Variants in TSNARE1 observed in about 807,000 individuals in gnomAD.
TSNARE1 encodes t-SNARE domain containing 1.
A neutral mutation model predicts 62.0 loss-of-function variants in TSNARE1; 49 were observed. That is an observed-to-expected ratio of 0.79 (90% CI 0.63 to 1.00). TSNARE1 has a LOEUF of 1.00. Among genes scored for constraint, TSNARE1 ranks in the 50% least tolerant of loss-of-function variants. The pLI is 0.00. For missense variants in TSNARE1, 755 were observed against 700.1 expected (o/e 1.08, Z -0.88); for synonymous variants, 328 against 294.4 (o/e 1.11, Z -1.17).
chr8:142,396,656 G>A (rs1041441997), intron 1 of TSNARE1, among the ~76,000 whole-genome samples: 6 of 152,234 alleles, frequency 3.9e-5, no homozygotes, highest in Non-Finnish European at 7.3e-5. Flanking sequence ...GCAGCAGAAC[G>A]GTGAGCAATG....
At chr8:142,234,574 A>G (rs1239773442) in intron 12 of TSNARE1, among the ~76,000 whole-genome samples, 1 of 152,226 alleles carries the variant, frequency 6.6e-6, no homozygotes, top group Non-Finnish European at 1.5e-5. Flanking sequence ...GGAAGGCTCC[A>G]TTAGTTCTCT....
At chr8:142,332,948 G>C (rs1831261849) in intron 4 of TSNARE1, among the ~76,000 whole-genome samples, 1 of 152,198 alleles carries the variant, frequency 6.6e-6, no homozygotes, top group South Asian at 2.1e-4. Flanking sequence ...ACCGGGGAAG[G>C]GACAGCCACA....
chr8:142,337,143 A>G (rs77975293), intron 4 of TSNARE1, among the ~76,000 whole-genome samples: 3 of 152,230 alleles, frequency 2.0e-5, no homozygotes, highest in Admixed American at 6.5e-5. Flanking sequence ...CATCAAATCA[A>G]TAGAGAAAAC....
At position 142,349,420 on chromosome 8, in the gene TSNARE1, C is replaced by A. The variant is rs762190378; in HGVS notation, c.89-3528G>T. Among the ~76,000 whole-genome samples the A allele has an allele frequency of 8.8e-4, 133 of 151,914 alleles. 4 individuals carry two copies. The highest frequency in any genetic ancestry group is 2.5e-4 in the Non-Finnish European group (17 of 67,988). On this transcript the variant is annotated intron_variant, in intron 2 of 13. Transcript: ENST00000524325. ...GCTTTTATTAGAAATGAATATTTAC[C>A]ATATTCATGGTGAATGTGGTAAATA...
intron 13 of TSNARE1, among the ~76,000 whole-genome samples, chr8:142,221,231 G>A (rs2129910583): frequency 6.6e-6 from 1 of 152,322 alleles, no homozygotes; most frequent in African/African-American, 2.4e-5. Flanking sequence ...CCTACTAAGT[G>A]CTTGGCAGAC....
intron 12 of TSNARE1, among the ~76,000 whole-genome samples, chr8:142,265,788 T>C (rs1586899969): frequency 6.6e-6 from 1 of 152,196 alleles, no homozygotes; most frequent in Admixed American, 6.5e-5. Flanking sequence ...GGCATCGCGG[T>C]GTGGGCTTAA....
At chr8:142,388,550 CTTTTTTTTT>C (rs71313221) in intron 1 of TSNARE1, among the ~76,000 whole-genome samples, 2 of 67,412 alleles carry the variant, frequency 3.0e-5, no homozygotes, top group African/African-American at 1.4e-4. Flanking sequence ...AAAACAAAAT[CTTTTTTTTT>C]TTTTTTTTTT....
chr8:142,350,971 C>T (rs562018641), intron 2 of TSNARE1, among the ~76,000 whole-genome samples: 1 of 152,362 alleles, frequency 6.6e-6, no homozygotes, highest in South Asian at 2.1e-4. Context: ...TCGGCCACTT[C>T]AACTGCAGGT....
At chr8:142,289,964 G>A (rs969575779) in intron 10 of TSNARE1, among the ~76,000 whole-genome samples, 1 of 152,186 alleles carries the variant, frequency 6.6e-6, no homozygotes, top group African/African-American at 2.4e-5. Context: ...GACAGAAGAG[G>A]GCCTCTCAGG....
Position 142,274,734 on chromosome 8 carries a change from G to A in TSNARE1, c.1446+47C>T, listed in dbSNP as rs74917577. On this transcript the variant is annotated intron_variant, in intron 12 of 13. Transcript: ENST00000524325. Reference sequence around the variant, plus strand: ...ACGGAGGGAGGGTTGGAGGATAGGGGACGGAGGCCGGGCCGGCCGGGCACT... The same window carrying A: ...ACGGAGGGAGGGTTGGAGGATAGGGAACGGAGGCCGGGCCGGCCGGGCACT... The A allele has an allele frequency of 1.3e-3, 1,953 of 1,449,098 alleles. 19 individuals are homozygous for A. In the African/African-American group the frequency reaches 0.025, roughly 18 times the overall value. The allele number at this position is 1,449,098 out of a possible 1,614,324, so 89.8% of individuals were successfully genotyped here. A position where few individuals can be genotyped will look rare whatever the true frequency, so the allele number is the denominator to read the frequency against.
intron 13 of TSNARE1, among the ~76,000 whole-genome samples, chr8:142,215,513 C>T (rs1455348565): frequency 6.6e-6 from 1 of 152,136 alleles, no homozygotes; most frequent in Non-Finnish European, 1.5e-5. Context: ...CCTTGTCCAC[C>T]ACCACCCCTC....
chr8:142,219,725 G>A (rs566601195), intron 13 of TSNARE1, among the ~76,000 whole-genome samples: 11 of 152,300 alleles, frequency 7.2e-5, no homozygotes, highest in African/African-American at 1.2e-4. Context: ...CTGGATGCCC[G>A]GGATGACCCT....
chr8:142,405,038 A>AG (rs1273253534), upstream of TSNARE1: 1 of 152,148 alleles, frequency 6.6e-6, no homozygotes, highest in Non-Finnish European at 1.5e-5. Context: ...CCACCAGAGG[A>AG]GGGGCTCCGT....
chr8:142,226,665 T>C (rs376176818), intron 13 of TSNARE1, among the ~76,000 whole-genome samples: 42 of 150,994 alleles, frequency 2.8e-4, no homozygotes, highest in African/African-American at 1.0e-3. Context: ...AGGAATGGGG[T>C]CACTGCCCCA....
intron 12 of TSNARE1, among the ~76,000 whole-genome samples, chr8:142,244,423 T>C (rs1817793318): frequency 8.0e-6 from 1 of 125,176 alleles, no homozygotes; most frequent in Admixed American, 8.9e-5. Context: ...AAAAGAAAGA[T>C]ATATAAAGAA....
At chr8:142,229,841 C>T (rs1563763079) in intron 12 of TSNARE1, among the ~76,000 whole-genome samples, 1 of 152,232 alleles carries the variant, frequency 6.6e-6, no homozygotes, top group Non-Finnish European at 1.5e-5. Context: ...CAGAGTCAGC[C>T]AGGCATGGGT....
chr8:142,395,366 G>A (rs796977999), intron 1 of TSNARE1, among the ~76,000 whole-genome samples: 29 of 152,192 alleles, frequency 1.9e-4, no homozygotes, highest in African/African-American at 6.3e-4. Flanking sequence ...TCCTGACGGC[G>A]TCCCCCAGCG....
chr8:142,280,032 G>T, intron 11 of TSNARE1: 1 of 1,226,574 alleles, frequency 8.2e-7, no homozygotes, highest in Non-Finnish European at 1.0e-6. Context: ...GGTCCCCCAG[G>T]TCGCGGCGGC....
chr8:142,300,815 G>C (rs1035713149), intron 9 of TSNARE1, among the ~76,000 whole-genome samples, 171 bp from the exon 10 acceptor site: 4 of 152,314 alleles, frequency 2.6e-5, no homozygotes, highest in Admixed American at 2.0e-4. Flanking sequence ...CCTGTCACTG[G>C]GCATCAATCT....
Sources: gnomAD v4.1 joint callset for allele counts (sites outside exome capture counted in the v4.1 genomes callset) on GRCh38, gnomAD v4.1.1 for gene constraint, MANE v1.5 for transcripts, NCBI Gene and HGNC (gene_info 2026-07-23, HGNC 2026-07-21) for gene names.